SLC9A7: variants seen among roughly 807,000 people sequenced by gnomAD.
SLC9A7 encodes the protein sodium/hydrogen exchanger 7.
Under a neutral mutation model 52.6 loss-of-function variants are expected in SLC9A7, and 19 were observed. The ratio of observed to expected loss-of-function variants is 0.36; its 90% confidence interval spans 0.25 to 0.53. The LOEUF (loss-of-function observed/expected upper bound fraction) is 0.53, where lower values mean the gene tolerates loss of function less well. Ranked by LOEUF, SLC9A7 falls within the 20% of genes least tolerant of loss-of-function variation. SLC9A7 has a pLI of 0.91. For synonymous variants in SLC9A7, 226 were observed against 252.1 expected, an observed-to-expected ratio of 0.90 and a Z score of 0.98; for missense variants, 455 against 597.9, an observed-to-expected ratio of 0.76 and a Z score of 2.49.
At chrX:46,654,962 TTTTC>T (rs1556095190) in intron 7 of SLC9A7, among the ~76,000 whole-genome samples, 1,862 of 100,539 alleles carry the variant, frequency 0.019, 63 homozygotes, top group African/African-American at 0.061. Context: ...GTATTTCTTT[TTTTC>T]TTTCTTTCTT....
intron 13 of SLC9A7, among the ~76,000 whole-genome samples, chrX:46,634,847 C>T (rs1323201733): frequency 9.0e-6 from 1 of 111,692 alleles, no homozygotes; most frequent in African/African-American, 3.3e-5. Context: ...GTGCCGAGAA[C>T]AGAGTTGAAG....
At chrX:46,687,645 T>A (rs1036097979) in intron 1 of SLC9A7, among the ~76,000 whole-genome samples, 1 of 112,155 alleles carries the variant, frequency 8.9e-6, no homozygotes, top group African/African-American at 3.2e-5. Context: ...TCAAGGAGAA[T>A]TCATTCAAAA....
At chrX:46,741,263 C>T (rs1254053120) in intron 1 of SLC9A7, among the ~76,000 whole-genome samples, 1 of 111,336 alleles carries the variant, frequency 9.0e-6, no homozygotes, top group Non-Finnish European at 1.9e-5. Flanking sequence ...CAAGACATTC[C>T]GCAGGTAGAG....
chrX:46,691,906 T>C (rs1158001259), intron 1 of SLC9A7, among the ~76,000 whole-genome samples: 1 of 110,882 alleles, frequency 9.0e-6, no homozygotes. Flanking sequence ...CAGAGGAAAA[T>C]TTCAAGGGTA....
intron 3 of SLC9A7, among the ~76,000 whole-genome samples, chrX:46,676,969 TTCA>T (rs1285350760): frequency 9.0e-6 from 1 of 111,562 alleles, no homozygotes; most frequent in Admixed American, 9.5e-5. Flanking sequence ...TGAGCTGAGA[TTCA>T]TCATCAGTAA....
At chrX:46,743,353 CTTTTGCAAATGTGA>C (rs1430229183) in intron 1 of SLC9A7, among the ~76,000 whole-genome samples, 1 of 112,149 alleles carries the variant, frequency 8.9e-6, no homozygotes, top group African/African-American at 3.2e-5. Flanking sequence ...GGCTAAATTG[CTTTTGCAAATGTGA>C]TTTATGGTGA....
At chrX:46,695,212 G>GT (rs961584310) in intron 1 of SLC9A7, among the ~76,000 whole-genome samples, 12 of 111,501 alleles carry the variant, frequency 1.1e-4, no homozygotes, top group East Asian at 2.8e-4. Flanking sequence ...TGTCAATAAA[G>GT]TTTTTTTTTA....
chrX:46,623,090 G>A (rs1019757812), intron 14 of SLC9A7, among the ~76,000 whole-genome samples: 44 of 112,231 alleles, frequency 3.9e-4, no homozygotes, highest in South Asian at 3.7e-4. Flanking sequence ...GTGGCTTTGG[G>A]GAAATCAGGG....
intron 1 of SLC9A7, among the ~76,000 whole-genome samples, chrX:46,696,517 C>T (rs1944452093): frequency 9.0e-6 from 1 of 111,605 alleles, no homozygotes; most frequent in South Asian, 3.7e-4. Flanking sequence ...CCTGGTTTTG[C>T]TTACTAAACA....
chrX:46,705,440 T>C (rs748768508), intron 1 of SLC9A7, among the ~76,000 whole-genome samples: 1 of 112,082 alleles, frequency 8.9e-6, no homozygotes, highest in Non-Finnish European at 1.9e-5. Flanking sequence ...AAACTTAAAA[T>C]CACACCTCCA....
At chrX:46,692,923 G>A (rs1216485481) in intron 1 of SLC9A7, among the ~76,000 whole-genome samples, 5 of 110,109 alleles carry the variant, frequency 4.5e-5, no homozygotes, top group Non-Finnish European at 3.8e-5. Context: ...CTTTTATTAT[G>A]ACCACTGAGA....
At chrX:46,733,731 A>G (rs911450824) in intron 1 of SLC9A7, among the ~76,000 whole-genome samples, 1 of 111,447 alleles carries the variant, frequency 9.0e-6, no homozygotes, top group Non-Finnish European at 1.9e-5. Context: ...AACCACTATG[A>G]AACTAACTCA....
intron 15 of SLC9A7, among the ~76,000 whole-genome samples, chrX:46,619,134 G>T (rs1037218798): frequency 4.5e-5 from 5 of 111,507 alleles, no homozygotes; most frequent in African/African-American, 1.6e-4. Flanking sequence ...CATACCAAAT[G>T]GCCAGTAAAT....
At chrX:46,724,433 A>G (rs1944911827) in intron 1 of SLC9A7, among the ~76,000 whole-genome samples, 1 of 112,536 alleles carries the variant, frequency 8.9e-6, no homozygotes, top group African/African-American at 3.2e-5. Context: ...AAATGACATT[A>G]AAATTCTATT....
intron 1 of SLC9A7, among the ~76,000 whole-genome samples, chrX:46,746,534 A>T (rs1238701547): frequency 8.9e-6 from 1 of 112,556 alleles, no homozygotes; most frequent in Non-Finnish European, 1.9e-5. Context: ...CCAGCATATG[A>T]AAAAATGCTC....
At chrX:46,726,309 A>G (rs1285942622) in intron 1 of SLC9A7, among the ~76,000 whole-genome samples, 3 of 111,939 alleles carry the variant, frequency 2.7e-5, no homozygotes, top group African/African-American at 9.7e-5. Flanking sequence ...TGCCTGGCAT[A>G]TATAAGCACT....
chrX:46,744,002 C>T (rs1921553922), intron 1 of SLC9A7, among the ~76,000 whole-genome samples: 1 of 112,489 alleles, frequency 8.9e-6, no homozygotes, highest in Admixed American at 9.4e-5. Flanking sequence ...ATAAGAAATA[C>T]ATAAGTATTC....
At chrX:46,717,194 A>G (rs1957627255) in intron 1 of SLC9A7, among the ~76,000 whole-genome samples, 1 of 112,571 alleles carries the variant, frequency 8.9e-6, no homozygotes, top group African/African-American at 3.2e-5. Context: ...CAGATACATT[A>G]TACATACTAA....
At chrX:46,685,048 G>A (rs1358729554) in intron 1 of SLC9A7, 1 of 112,146 alleles carries the variant, frequency 8.9e-6, no homozygotes, top group Non-Finnish European at 1.9e-5. Context: ...GAACACTCTG[G>A]TCAAGAATCA....
Sources: allele counts gnomAD v4.1 joint callset (sites outside exome capture counted in the v4.1 genomes callset), GRCh38; gene constraint gnomAD v4.1.1; transcripts MANE v1.5; gene names NCBI Gene and HGNC (gene_info 2026-07-23, HGNC 2026-07-21).